VMP1: variants seen among roughly 807,000 people sequenced by gnomAD.
The protein encoded by VMP1 is ectopic P-granules autophagy protein 3 homolog.
In VMP1, 11 loss-of-function variants were observed where a neutral mutation model predicts 56.0. That is an observed-to-expected ratio of 0.20 (90% CI 0.12 to 0.32). VMP1 has a LOEUF of 0.32. VMP1 is among the 10% of genes least tolerant of loss of function. VMP1 has a pLI of 1.00. For synonymous variants in VMP1, 149 were observed against 165.0 expected, an observed-to-expected ratio of 0.90 and a Z score of 0.74; for missense variants, 296 against 490.3, an observed-to-expected ratio of 0.60 and a Z score of 3.74.
chr17:59,812,460 G>A (rs181401342), intron 9 of VMP1, among the ~76,000 whole-genome samples: 51 of 152,304 alleles, frequency 3.3e-4, no homozygotes, highest in African/African-American at 1.2e-3. Context: ...TATATGAATA[G>A]AGAGGAGAGA....
chr17:59,818,294 G>A (rs2038317488), intron 10 of VMP1, among the ~76,000 whole-genome samples: 1 of 152,128 alleles, frequency 6.6e-6, no homozygotes, highest in Non-Finnish European at 1.5e-5. Context: ...TTGAACCTGG[G>A]AGGCAGAGGT....
intron 7 of VMP1, among the ~76,000 whole-genome samples, chr17:59,796,166 GA>G (rs1402581209): frequency 6.6e-6 from 1 of 152,060 alleles, no homozygotes; most frequent in Non-Finnish European, 1.5e-5. Context: ...TCTCCCAAGG[GA>G]AAAAACTCGC....
intron 5 of VMP1, among the ~76,000 whole-genome samples, chr17:59,742,505 A>G (rs2035261789): frequency 6.9e-6 from 1 of 145,572 alleles, no homozygotes. Flanking sequence ...AAACAGAGCA[A>G]AACCCTGTCT....
chr17:59,750,918 G>A (rs2035615528), intron 5 of VMP1, among the ~76,000 whole-genome samples: 1 of 143,574 alleles, frequency 7.0e-6, no homozygotes, highest in East Asian at 2.1e-4. Flanking sequence ...ATTTTTCCAA[G>A]ATAGCACCTT....
intron 5 of VMP1, among the ~76,000 whole-genome samples, chr17:59,760,409 AT>A (rs562675786): frequency 2.0e-3 from 300 of 151,908 alleles, no homozygotes; most frequent in African/African-American, 7.0e-3. Context: ...ATTCACAGGT[AT>A]TTTTTTCTTT....
At chr17:59,816,157 A>C (rs2038224658) in intron 9 of VMP1, among the ~76,000 whole-genome samples, 1 of 152,242 alleles carries the variant, frequency 6.6e-6, no homozygotes, top group African/African-American at 2.4e-5. Flanking sequence ...AAGCTGCTAC[A>C]TACAAAAAGA....
At position 59,735,420 on chromosome 17, in the gene VMP1, C is replaced by G. The variant is rs761966519; in HGVS notation, c.159C>G (p.Thr53=). The G allele has an allele frequency of 6.2e-7, 1 of 1,614,132 alleles. No individual in the cohort carries two copies. Among genetic ancestry groups the G allele is most frequent in the East Asian group, 2.2e-5 (1 of 44,876 alleles). Residue 53 remains threonine (T), a synonymous_variant, in exon 3 of 12, where the codon ACC becomes ACG. Transcript: ENST00000262291. ...TCCTGTGGAGACAGCCGCTCATTAC[C>G]TTGCAGTATTTTTCTCTGGAAATCC... ...NIVLWRQPLI[T]LQYFSLEILV...
chr17:59,778,721 C>G (rs2036717789), intron 7 of VMP1, among the ~76,000 whole-genome samples: 1 of 152,184 alleles, frequency 6.6e-6, no homozygotes, highest in East Asian at 1.9e-4. Context: ...AGTTCAGTTT[C>G]TCCATGATGG....
Position 59,811,640 on chromosome 17 carries a change from A to G in VMP1, c.796-30A>G, listed in dbSNP as rs1428485337. On this transcript the variant is annotated intron_variant, in intron 8 of 11. Coordinates refer to ENST00000262291, the MANE Select transcript of VMP1 (RefSeq NM_030938.5). ...AAATTAAATTGTTCTTTGGATTATA[A>G]TATGGAAGTCCTTCTTTTTCTCTCT... is the stretch of plus-strand genomic sequence containing the variant. 4.0e-6 allele frequency: 6 copies of G among 1,488,600 alleles called. No homozygotes were observed. The South Asian group carries it at 4.6e-5, about 11-fold the overall frequency. The allele number at this position is 1,488,600 out of a possible 1,614,324, so 92.2% of individuals were successfully genotyped here.
At chr17:59,732,129 ATTGT>A (rs1192569569) in intron 2 of VMP1, among the ~76,000 whole-genome samples, 1 of 152,112 alleles carries the variant, frequency 6.6e-6, no homozygotes, top group Non-Finnish European at 1.5e-5. Context: ...TAGCTTTTGA[ATTGT>A]TTGACATCTC....
chr17:59,809,304 CTTTTTTTTTTT>C (rs57274450), intron 8 of VMP1, among the ~76,000 whole-genome samples: 2 of 33,452 alleles, frequency 6.0e-5, no homozygotes, highest in South Asian at 2.0e-3. Flanking sequence ...GCCCATTCAA[CTTTTTTTTTTT>C]TTTTTTTTTT....
chr17:59,737,981 A>G (rs2035079759), intron 4 of VMP1, among the ~76,000 whole-genome samples: 1 of 152,154 alleles, frequency 6.6e-6, no homozygotes, highest in Admixed American at 6.6e-5. Flanking sequence ...CATGTTGGCC[A>G]GGCTGGTCTC....
At chr17:59,791,895 C>G (rs899055018) in intron 7 of VMP1, among the ~76,000 whole-genome samples, 3 of 152,128 alleles carry the variant, frequency 2.0e-5, no homozygotes, top group Non-Finnish European at 4.4e-5. Flanking sequence ...TTAGCATCTC[C>G]TAGTTTAGAT....
chr17:59,746,648 G>A (rs1178368200), intron 5 of VMP1, among the ~76,000 whole-genome samples: 3 of 152,180 alleles, frequency 2.0e-5, no homozygotes, highest in Non-Finnish European at 4.4e-5. Context: ...TGAGTAAAGT[G>A]TAAATCAAGT....
intron 9 of VMP1, among the ~76,000 whole-genome samples, chr17:59,815,677 C>A (rs2038201528): frequency 7.3e-6 from 1 of 137,692 alleles, no homozygotes; most frequent in Non-Finnish European, 1.5e-5. Context: ...CACGGTGAAA[C>A]CCCGTCTCTA....
chr17:59,754,092 T>C (rs1450251820), intron 5 of VMP1, among the ~76,000 whole-genome samples: 1 of 152,142 alleles, frequency 6.6e-6, no homozygotes, highest in Non-Finnish European at 1.5e-5. Context: ...TCAGAGCCTG[T>C]TTCTGCTTTA....
At chr17:59,751,607 T>TG (rs200844057) in intron 5 of VMP1, among the ~76,000 whole-genome samples, 38,084 of 141,588 alleles carry the variant, frequency 0.27, 5,201 homozygotes, top group East Asian at 0.46. Context: ...CTGGGCGTGG[T>TG]GGGGGGGGCG....
At chr17:59,739,090 A>T in intron 5 of VMP1, 143 bp downstream of exon 5, 1 of 601,782 alleles carries the variant, frequency 1.7e-6, no homozygotes, top group Middle Eastern at 4.8e-4. Context: ...TCAGTGCTTT[A>T]AGTTTGACTT....
At chr17:59,760,354 G>GTTTTGAAATATATTT (rs991422207) in intron 5 of VMP1, among the ~76,000 whole-genome samples, 1 of 151,856 alleles carries the variant, frequency 6.6e-6, no homozygotes, top group Non-Finnish European at 1.5e-5. Flanking sequence ...CCACAGTACT[G>GTTTTGAAATATATTT]TTTTGAAATA....
Sources: gnomAD v4.1 joint callset for allele counts (sites outside exome capture counted in the v4.1 genomes callset) on GRCh38, gnomAD v4.1.1 for gene constraint, MANE v1.5 for transcripts, NCBI Gene and HGNC (gene_info 2026-07-23, HGNC 2026-07-21) for gene names.